The following AKAP6 variants were observed in gnomAD, a reference collection of about 807,000 sequenced individuals.
AKAP6 encodes the protein A-kinase anchoring protein 6, also known as A-kinase anchor protein 6.
AKAP6 carries 58 observed loss-of-function variants against 188.5 expected under a neutral mutation model. That is an observed-to-expected ratio of 0.31 (90% confidence interval 0.25 to 0.38). The LOEUF (loss-of-function observed/expected upper bound fraction) is 0.38, where lower values mean the gene tolerates loss of function less well. Among genes scored for constraint, AKAP6 ranks in the 10% least tolerant of loss-of-function variants. AKAP6 has a pLI of 1.00. For synonymous variants in AKAP6, 989 were observed against 998.6 expected (o/e 0.99, Z 0.18); for missense variants, 2,710 against 2,740.0 (o/e 0.99, Z 0.24).
intron 2 of AKAP6, among the ~76,000 whole-genome samples, chr14:32,512,390 C>T (rs555568439): frequency 5.3e-5 from 8 of 152,232 alleles, no homozygotes; most frequent in African/African-American, 7.2e-5. Flanking sequence ...ACTTTATAGA[C>T]GAAATTAATC....
At chr14:32,589,749 T>C (rs990872708) in intron 5 of AKAP6, among the ~76,000 whole-genome samples, 1 of 152,202 alleles carries the variant, frequency 6.6e-6, no homozygotes, top group Non-Finnish European at 1.5e-5. Context: ...ATAATGATTG[T>C]TTTTAATTAG....
At chr14:32,706,368 C>T (rs1380954121) in intron 9 of AKAP6, among the ~76,000 whole-genome samples, 1 of 152,110 alleles carries the variant, frequency 6.6e-6, no homozygotes, top group Non-Finnish European at 1.5e-5. Context: ...CACCTCAATA[C>T]CCTGGGCAAG....
intron 1 of AKAP6, among the ~76,000 whole-genome samples, chr14:32,357,026 G>T (rs142057496): frequency 2.0e-3 from 304 of 152,182 alleles, no homozygotes; most frequent in African/African-American, 7.2e-3. Context: ...TGCCACTAAA[G>T]TATAAAATTC....
Position 32,823,518 on chromosome 14 carries a change from T to C in AKAP6, c.5705T>C (p.Ile1902Thr), listed in dbSNP as rs1339720286. 3 of 1,613,808 alleles carry C rather than the reference T, an allele frequency of 1.9e-6. No homozygotes were observed. In the East Asian group the frequency reaches 6.7e-5, roughly 36 times the overall value. The change falls in exon 13 of 14, where the codon ATT (isoleucine) becomes ACT (threonine). Residue 1902 changes from isoleucine to threonine, a missense_variant. Ile to Thr is a moderately conservative substitution (Grantham distance 89, BLOSUM62 -1). Around this residue, in one of 2 missense-constraint regions of AKAP6, gnomAD observed 2,473 missense variants for 2,426.1 expected, o/e 1.02. Transcript: ENST00000280979. ...ADMENGNIEG[I>T]PERQKGKPNV... ...ATGGAAAATGGCAATATTGAAGGTA[T>C]TCCAGAAAGGCAAAAGGGAAAACCG...
chr14:32,571,069 A>G (rs1227146060), intron 4 of AKAP6, among the ~76,000 whole-genome samples: 2 of 152,184 alleles, frequency 1.3e-5, no homozygotes, highest in Non-Finnish European at 2.9e-5. Context: ...TCACAGGGCC[A>G]TTATGAGACT....
chr14:32,338,421 C>G (rs953103662), intron 1 of AKAP6, among the ~76,000 whole-genome samples: 1 of 152,078 alleles, frequency 6.6e-6, no homozygotes, highest in Middle Eastern at 3.2e-3. Context: ...GATATTTTTG[C>G]AATAGCTTGC....
intron 2 of AKAP6, among the ~76,000 whole-genome samples, chr14:32,482,780 C>G (rs938013005): frequency 6.6e-6 from 1 of 152,104 alleles, no homozygotes; most frequent in Non-Finnish European, 1.5e-5. Context: ...AATAAGAATA[C>G]TATGAGCTGT....
intron 1 of AKAP6, among the ~76,000 whole-genome samples, chr14:32,371,964 CCTT>C (rs1888022767): frequency 6.6e-6 from 1 of 151,814 alleles, no homozygotes; most frequent in South Asian, 2.1e-4. Flanking sequence ...TTTCTTCTCT[CCTT>C]CTCCCTCTTC....
chr14:32,823,508 A>G lies in AKAP6; in HGVS notation c.5695A>G (p.Ile1899Val). The G allele has an allele frequency of 1.2e-6, 2 of 1,613,840 alleles. No individual in the cohort carries two copies. ...PYVADMENGNIEGIPERQKGK... is the reference protein window; with the variant it reads ...PYVADMENGNVEGIPERQKGK... Reference sequence around the variant, plus strand: ...TGTGGCTGACATGGAAAATGGCAATATTGAAGGTATTCCAGAAAGGCAAAA... The same window carrying G: ...TGTGGCTGACATGGAAAATGGCAATGTTGAAGGTATTCCAGAAAGGCAAAA... The change falls in exon 13 of 14, where the codon ATT (isoleucine) becomes GTT (valine). Residue 1899 changes from isoleucine to valine, a missense_variant. By Grantham distance (29) the Ile-to-Val change is conservative. This residue lies in a region of AKAP6 where 2,473 missense variants were observed against 2,426.1 expected (regional missense o/e 1.02). Transcript: ENST00000280979.
chr14:32,525,421 A>C (rs1882071117), intron 2 of AKAP6, among the ~76,000 whole-genome samples: 1 of 152,246 alleles, frequency 6.6e-6, no homozygotes, highest in Non-Finnish European at 1.5e-5. Context: ...GTATATCCTG[A>C]CAGAACTTCT....
At chr14:32,584,805 T>A (rs1047220992) in intron 5 of AKAP6, among the ~76,000 whole-genome samples, 5 of 152,210 alleles carry the variant, frequency 3.3e-5, no homozygotes, top group African/African-American at 7.2e-5. Context: ...TGTTATGTTG[T>A]TTCATGTATC....
rs112146571 is a variant in AKAP6, at chr14:32,511,766, CTGAGTGCTGAAT to C, written c.325-23785_325-23774del. 3.3e-3 allele frequency among the ~76,000 whole-genome samples: 496 copies of C among 152,268 alleles called. 5 individuals carry two copies. The highest frequency in any genetic ancestry group is 0.011 in the African/African-American group (473 of 41,544). On this transcript the variant is annotated intron_variant, in intron 2 of 13. Transcript: ENST00000280979. Reference sequence around the variant, plus strand: ...TTTTTCCTCTTTTCACTGAGCTAAACTGAGTGCTGAATTGCAGTAATAATCTCATTTTAAATG... The same window carrying C: ...TTTTTCCTCTTTTCACTGAGCTAAACTGCAGTAATAATCTCATTTTAAATG...
In AKAP6 at chr14:32,454,756, C is replaced by T. The variant is rs1566512372; in HGVS notation, c.324+20939C>T. ...CCTTCCCTCCCTCCCTCCTTCCCTC[C>T]CTCCCTCCCTCCTTCCCTCCTTCCC... On this transcript the variant is annotated intron_variant, in intron 2 of 13. Coordinates refer to ENST00000280979, the MANE Select transcript of AKAP6 (RefSeq NM_004274.5). Among the ~76,000 whole-genome samples the T allele has an allele frequency of 7.1e-3, 123 of 17,392 alleles. 8 individuals carry two copies. Among genetic ancestry groups the T allele is most frequent in the Non-Finnish European group, 9.5e-3 (89 of 9,346 alleles). 11.4% of individuals were successfully genotyped at this position (17,392 alleles called of 152,430 possible).
intron 4 of AKAP6, among the ~76,000 whole-genome samples, chr14:32,562,522 C>T (rs1594745794): frequency 6.6e-6 from 1 of 152,290 alleles, no homozygotes; most frequent in African/African-American, 2.4e-5. Context: ...CTTTGGGAAG[C>T]TGAGGCATGT....
At chr14:32,496,576 T>TA (rs541271586) in intron 2 of AKAP6, among the ~76,000 whole-genome samples, 377 of 145,764 alleles carry the variant, frequency 2.6e-3, no homozygotes, top group African/African-American at 7.5e-3. Context: ...GACTTGAGAT[T>TA]AAAAAAAAAA....
At chr14:32,792,779 A>G (rs933858225) in intron 12 of AKAP6, among the ~76,000 whole-genome samples, 2 of 152,172 alleles carry the variant, frequency 1.3e-5, no homozygotes, top group African/African-American at 4.8e-5. Context: ...TATTATTTTA[A>G]GATATGTTTC....
intron 12 of AKAP6, among the ~76,000 whole-genome samples, chr14:32,782,564 A>G (rs2033284523): frequency 6.6e-6 from 1 of 152,222 alleles, no homozygotes; most frequent in South Asian, 2.1e-4. Context: ...AGGTTATAGG[A>G]TACAAGATCA....
At chr14:32,741,217 T>C (rs2031660082) in intron 11 of AKAP6, among the ~76,000 whole-genome samples, 1 of 152,050 alleles carries the variant, frequency 6.6e-6, no homozygotes, top group Non-Finnish European at 1.5e-5. Flanking sequence ...TTTTGTTATG[T>C]TGATTTTGTA....
chr14:32,716,866 T>C (rs2030238010), intron 9 of AKAP6, among the ~76,000 whole-genome samples: 1 of 151,974 alleles, frequency 6.6e-6, no homozygotes. Context: ...AACCAAAAAA[T>C]CTTATTACAA....
Sources: gnomAD v4.1 joint callset for allele counts (sites outside exome capture counted in the v4.1 genomes callset) on GRCh38, gnomAD v4.1.1 for gene constraint, gnomAD v4.1.1 regional missense constraint, MANE v1.5 for transcripts, NCBI Gene and HGNC (gene_info 2026-07-23, HGNC 2026-07-21) for gene names.